The following DPYSL5 variants were observed in gnomAD, a reference collection of about 807,000 sequenced individuals.
DPYSL5 encodes the protein dihydropyrimidinase like 5.
A neutral mutation model predicts 58.4 loss-of-function variants in DPYSL5; 9 were observed. That is an observed-to-expected ratio of 0.15 (90% confidence interval 0.09 to 0.27). The LOEUF (loss-of-function observed/expected upper bound fraction) is 0.27, where lower values mean the gene tolerates loss of function less well. Ranked by LOEUF, DPYSL5 falls within the 10% of genes least tolerant of loss-of-function variation. The probability of loss-of-function intolerance (pLI) is 1.00; values close to 1 mark genes in which losing one functional copy is unlikely to be tolerated. For missense variants in DPYSL5, 499 were observed against 770.6 expected (o/e 0.65, Z 4.17); for synonymous variants, 293 against 301.9 (o/e 0.97, Z 0.31).
At chr2:26,870,050 A>G (rs1301528571) in intron 1 of DPYSL5, among the ~76,000 whole-genome samples, 1 of 152,106 alleles carries the variant, frequency 6.6e-6, no homozygotes, top group African/African-American at 2.4e-5. Flanking sequence ...TTCTTTTTCC[A>G]TGTTTATTCT....
intron 2 of DPYSL5, among the ~76,000 whole-genome samples, chr2:26,911,079 GTTTTTTTT>G (rs57441106): frequency 1.0e-5 from 1 of 100,408 alleles, no homozygotes; most frequent in South Asian, 3.4e-4. Context: ...TCTATGTTCA[GTTTTTTTT>G]TTTTTTTTTT....
At chr2:26,901,247 C>T (rs2148138962) in intron 2 of DPYSL5, among the ~76,000 whole-genome samples, 1 of 152,284 alleles carries the variant, frequency 6.6e-6, no homozygotes, top group African/African-American at 2.4e-5. Flanking sequence ...TAAACTGACA[C>T]TTTGTTATAT....
At chr2:26,946,794 A>T (rs1665497052) in intron 12 of DPYSL5, 116 bp from the exon 13 acceptor site, 1 of 689,388 alleles carries the variant, frequency 1.5e-6, no homozygotes, top group African/African-American at 1.8e-5. Context: ...GATGGGATGG[A>T]GTGGCTGTGA....
At chr2:26,853,932 T>TG (rs1220190109) in intron 1 of DPYSL5, among the ~76,000 whole-genome samples, 3 of 151,872 alleles carry the variant, frequency 2.0e-5, no homozygotes, top group Admixed American at 2.0e-4. Context: ...CCCAGCTACT[T>TG]GAGAGGGTGA....
At chr2:26,940,715 A>G (rs182271436) in intron 9 of DPYSL5, among the ~76,000 whole-genome samples, 12 of 151,794 alleles carry the variant, frequency 7.9e-5, no homozygotes, top group African/African-American at 2.7e-4. Flanking sequence ...ATAACACTAT[A>G]CCCTGAGTGT....
chr2:26,858,905 T>C (rs1665946161), intron 1 of DPYSL5, among the ~76,000 whole-genome samples: 1 of 152,154 alleles, frequency 6.6e-6, no homozygotes, highest in African/African-American at 2.4e-5. Flanking sequence ...ATAAATCTAA[T>C]ACTCCAATAT....
In DPYSL5 at chr2:26,944,893, T is replaced by G; in HGVS notation, c.1609+69T>G. 2 of 1,467,838 alleles carry G rather than the reference T, an allele frequency of 1.4e-6. No homozygotes were observed. Among genetic ancestry groups the G allele is most frequent in the Non-Finnish European group, 1.9e-6 (2 of 1,069,058 alleles). The allele number at this position is 1,467,838 out of a possible 1,614,324, so 90.9% of individuals were successfully genotyped here. On this transcript the variant is annotated intron_variant, in intron 12 of 12. Transcript: ENST00000288699. This position sits in a 1 kb window ranked among gnomAD's most constrained non-coding sequence, Gnocchi z 4.4. ...AAGTGGCCCACCTAGGCAGTGGGAC[T>G]TACGCCTGCTTTTCTTTTGTGTCCT...
chr2:26,876,198 G>GTA (rs1663404653), intron 1 of DPYSL5, among the ~76,000 whole-genome samples: 1 of 152,166 alleles, frequency 6.6e-6, no homozygotes, highest in African/African-American at 2.4e-5. Flanking sequence ...CTCCCATTTT[G>GTA]TAGCCATTTG....
chr2:26,941,913 G>C (rs113982137), intron 9 of DPYSL5, 37 bp from the exon 10 acceptor site: 36 of 1,613,442 alleles, frequency 2.2e-5, no homozygotes, highest in African/African-American at 1.1e-4. Flanking sequence ...CCCACCCCCA[G>C]AGCCTGGTTG....
chr2:26,884,273 C>T (rs1169431744), intron 1 of DPYSL5, among the ~76,000 whole-genome samples: 2 of 152,118 alleles, frequency 1.3e-5, no homozygotes, highest in African/African-American at 4.8e-5. Context: ...CCCATGTGTA[C>T]ACCTGTCTGT....
At chr2:26,921,886 G>T (rs1664714712) in intron 2 of DPYSL5, among the ~76,000 whole-genome samples, 1 of 152,118 alleles carries the variant, frequency 6.6e-6, no homozygotes, top group Non-Finnish European at 1.5e-5. Flanking sequence ...GCACGTGGCT[G>T]CTCCTAGATT....
rs1337211629 is a variant in DPYSL5 at position 26,942,786 on chromosome 2, GC to G, written c.1440+41del. The G allele has an allele frequency of 1.9e-6, 3 of 1,591,726 alleles. No individual in the cohort carries two copies. Among genetic ancestry groups the G allele is most frequent in the Non-Finnish European group, 2.6e-6 (3 of 1,161,322 alleles). On this transcript the variant is annotated intron_variant, in intron 11 of 12. Transcript: ENST00000288699. This position sits in a 1 kb window ranked among gnomAD's most constrained non-coding sequence, Gnocchi z 5.9. ...AGGAGGAAGATGCAGGGGTGTTGGC[GC>G]CCCCTGCCGGGGAACATCCTCCATG...
At chr2:26,859,802 G>T (rs1056114248) in intron 1 of DPYSL5, among the ~76,000 whole-genome samples, 2 of 152,186 alleles carry the variant, frequency 1.3e-5, no homozygotes, top group Non-Finnish European at 2.9e-5. Context: ...GCCAGAAATG[G>T]AAATGAATGT....
Position 26,898,211 on chromosome 2 carries a change from A to G in DPYSL5, c.-4-285A>G, listed in dbSNP as rs1558336833. On this transcript the variant is annotated intron_variant, in intron 1 of 12. Transcript: ENST00000288699. The surrounding 1 kb of genome is among the most constrained non-coding windows in gnomAD (Gnocchi z 6.1). ...AGATATGAGAGATAGAAAATGAGAT[A>G]GTAGATGTGAAAGTGCTTTGGAGCT... Among the ~76,000 whole-genome samples the G allele has an allele frequency of 6.6e-6, 1 of 152,128 alleles. No individual in the cohort carries two copies. The highest frequency in any genetic ancestry group is 1.5e-5 in the Non-Finnish European group (1 of 68,008).
intron 1 of DPYSL5, among the ~76,000 whole-genome samples, chr2:26,872,920 T>C (rs1195415241): frequency 6.6e-6 from 1 of 152,216 alleles, no homozygotes. Context: ...AAATTCCTTC[T>C]AGAATTTTTA....
At position 26,924,231 on chromosome 2, in the gene DPYSL5, G is replaced by C. The variant is rs1011131343; in HGVS notation, c.262-656G>C. On this transcript the variant is annotated intron_variant, in intron 2 of 12. Coordinates refer to ENST00000288699, the MANE Select transcript of DPYSL5 (RefSeq NM_020134.4). The surrounding 1 kb of genome is among the most constrained non-coding windows in gnomAD (Gnocchi z 4.7). The stretch of plus-strand genomic sequence containing the variant: ...CCGTTTTCACTGATAAATCACACAT[G>C]CATCTAAAAAATGCCTGTCTCAAAC... Among the ~76,000 whole-genome samples, 1 of 152,086 alleles carries C rather than the reference G, an allele frequency of 6.6e-6. No individual in the cohort carries two copies. The highest frequency in any genetic ancestry group is 2.4e-5 in the African/African-American group (1 of 41,406).
At chr2:26,895,968 C>T (rs552872086) in intron 1 of DPYSL5, among the ~76,000 whole-genome samples, 49 of 151,624 alleles carry the variant, frequency 3.2e-4, no homozygotes, top group Admixed American at 1.8e-3. Context: ...TTAGTAGAGA[C>T]GGGGTTTCAC....
At chr2:26,943,266 G>A (rs1402589597) in intron 11 of DPYSL5, among the ~76,000 whole-genome samples, 1 of 152,026 alleles carries the variant, frequency 6.6e-6, no homozygotes, top group African/African-American at 2.4e-5. Context: ...AGAAACCAAG[G>A]ACCCTTCTCT....
At chr2:26,870,238 C>T (rs1479509843) in intron 1 of DPYSL5, among the ~76,000 whole-genome samples, 3 of 152,066 alleles carry the variant, frequency 2.0e-5, no homozygotes, top group Non-Finnish European at 2.9e-5. Flanking sequence ...ACACTTGAGT[C>T]GTTTTGTCCT....
Sources: gnomAD v4.1 joint callset for allele counts (sites outside exome capture counted in the v4.1 genomes callset) on GRCh38, gnomAD v4.1.1 for gene constraint, Gnocchi (gnomAD v3.1) non-coding constraint, MANE v1.5 for transcripts, NCBI Gene and HGNC (gene_info 2026-07-23, HGNC 2026-07-21) for gene names.